Variants in TTLL2 observed in about 807,000 individuals in gnomAD.
TTLL2 encodes the protein probable tubulin polyglutamylase TTLL2.
TTLL2 carries 10 observed loss-of-function variants against 7.5 expected under a neutral mutation model. The ratio of observed to expected loss-of-function variants is 1.33; its 90% confidence interval spans 0.82 to 2.25. The LOEUF (loss-of-function observed/expected upper bound fraction) is 2.25. Among genes scored for constraint, TTLL2 ranks in the 30% most tolerant of loss-of-function variants. The pLI, the probability that TTLL2 is intolerant of heterozygous loss-of-function variation, is 0.00. For synonymous variants in TTLL2, 284 were observed against 280.3 expected (o/e 1.01, Z -0.13); for missense variants, 733 against 735.7 (o/e 1.00, Z 0.04).
rs567460246 is a variant in TTLL2 at position 167,339,392 on chromosome 6, C to T, written c.204+589C>T. On this transcript the variant is annotated intron_variant, in intron 2 of 2. Transcript: ENST00000239587. ...TAAGAATTATTCTGCTTTCCTTCTT[C>T]GAAGTTCAAAAGAATATTTCAAATC... 3.9e-5 allele frequency among the ~76,000 whole-genome samples: 6 copies of T among 152,294 alleles called. No individual in the cohort carries two copies. The East Asian group carries it at 1.2e-3, about 29-fold the overall frequency.
Position 167,340,632 on chromosome 6 carries a change from C to T in TTLL2, c.732C>T (p.Ser244=), listed in dbSNP as rs750894624. ...TGTACATAGTGCAGAAATATATCTC[C>T]AATCCTTTACTTATTGGCAGATATA... The part of the protein sequence containing the change: ...DDMYIVQKYI[S]NPLLIGRYKC... Residue 244 remains serine, a synonymous_variant, in exon 3 of 3, where the codon TCC becomes TCT. Transcript: ENST00000239587. 6.2e-7 allele frequency: 1 copy of T among 1,614,146 alleles called. No homozygotes were observed.
chr6:167,340,011 A>G, intron 2 of TTLL2, 94 bp from the exon 3 acceptor site: 1 of 1,407,788 alleles, frequency 7.1e-7, no homozygotes, highest in Non-Finnish European at 9.6e-7. Flanking sequence ...CACACAGGAC[A>G]GCTGGCAGCA....
intron 2 of TTLL2, among the ~76,000 whole-genome samples, chr6:167,339,060 C>A (rs1779034801): frequency 6.6e-6 from 1 of 151,462 alleles, no homozygotes; most frequent in East Asian, 1.9e-4. Context: ...TTCCTTCCCT[C>A]CCTCCCTCCT....
chr6:167,338,171 AC>A (rs1779015518), intron 1 of TTLL2, among the ~76,000 whole-genome samples: 1 of 151,882 alleles, frequency 6.6e-6, no homozygotes, highest in Non-Finnish European at 1.5e-5. Flanking sequence ...AACACACAGC[AC>A]ATACAACACA....
intron 1 of TTLL2, among the ~76,000 whole-genome samples, chr6:167,330,951 T>C (rs1431079698): frequency 2.6e-5 from 4 of 152,144 alleles, no homozygotes; most frequent in Admixed American, 2.6e-4. Flanking sequence ...TGGGCAAGCC[T>C]GCAGCTCAGC....
chr6:167,339,697 C>T (rs1779043651), intron 2 of TTLL2, among the ~76,000 whole-genome samples: 2 of 152,152 alleles, frequency 1.3e-5, no homozygotes, highest in Non-Finnish European at 2.9e-5. Context: ...TTGTAACATA[C>T]TTGAATTCAT....
chr6:167,338,799 A>G lies in TTLL2; in HGVS notation c.200A>G (p.Lys67Arg), dbSNP rs2115223493. 5 of 1,605,856 alleles carry G rather than the reference A, an allele frequency of 3.1e-6. No homozygotes were observed. Among genetic ancestry groups the G allele is most frequent in the Non-Finnish European group, 4.3e-6 (5 of 1,174,736 alleles). The change falls in exon 2 of 3, where the codon AAG becomes AGG. Residue 67 changes from lysine (K) to arginine (R), a missense_variant. Coordinates refer to ENST00000239587, the MANE Select transcript of TTLL2 (RefSeq NM_031949.5). ...GGCCGCCCAACACCAACACTGGAGA[A>G]GAAGGTGGGTGGGCAAGCCAGGTAG... The part of the protein sequence containing the change: ...RRGRPTPTLE[K>R]KKKPHLMAED...
chr6:167,339,973 C>T lies in TTLL2; in HGVS notation c.205-132C>T, dbSNP rs575759017. On this transcript the variant is annotated intron_variant, in intron 2 of 2. Coordinates refer to ENST00000239587, the MANE Select transcript of TTLL2 (RefSeq NM_031949.5). ...GCATTGGTGAAGAGACGTGGGTGTCCGGTGAGACTGCACAGTGGGAGGGTG... is the reference window on the plus strand; with the variant it reads ...GCATTGGTGAAGAGACGTGGGTGTCTGGTGAGACTGCACAGTGGGAGGGTG... The T allele has an allele frequency of 4.8e-4, 440 of 916,274 alleles. 2 individuals are homozygous for T. Among genetic ancestry groups the T allele is most frequent in the Admixed American group, 1.1e-3 (42 of 38,426 alleles). 56.8% of individuals were successfully genotyped at this position (916,274 alleles called of 1,614,324 possible).
chr6:167,339,320 C>T (rs530136955), intron 2 of TTLL2, among the ~76,000 whole-genome samples: 8 of 152,268 alleles, frequency 5.3e-5, no homozygotes, highest in South Asian at 2.1e-4. Context: ...TACCTTTTCT[C>T]TAGATCTTAA....
rs1779101779 is a variant in TTLL2, at chr6:167,341,790, T to C, written c.*111T>C. The C allele has an allele frequency of 6.7e-6, 8 of 1,193,766 alleles. No homozygotes were observed. Among genetic ancestry groups the C allele is most frequent in the Non-Finnish European group, 8.0e-6 (7 of 877,960 alleles). The allele number at this position is 1,193,766 out of a possible 1,614,324, so 73.9% of individuals were successfully genotyped here. On this transcript the variant is annotated 3_prime_UTR_variant, in exon 3 of 3. Transcript: ENST00000239587. ...CTACCTGTGCCACCAGCATGTTAAC[T>C]ATGACATTGGGACTGAAGATGTGGC...
At chr6:167,335,522 G>A (rs1311743740) in intron 1 of TTLL2, among the ~76,000 whole-genome samples, 6 of 144,014 alleles carry the variant, frequency 4.2e-5, no homozygotes, top group East Asian at 2.1e-4. Context: ...ACATGCACAC[G>A]TATGTTTATT....
At position 167,341,288 on chromosome 6, in the gene TTLL2, G is replaced by T. The variant is rs377077946; in HGVS notation, c.1388G>T (p.Arg463Ile). 4 of 1,613,584 alleles carry T rather than the reference G, an allele frequency of 2.5e-6. No individual in the cohort carries two copies. The highest frequency in any genetic ancestry group is 3.4e-6 in the Non-Finnish European group (4 of 1,179,990). Reference sequence around the variant, plus strand: ...TATGATTCTCTTTCGTTCACAAGCAGAATGTACAACGAGGATGACTCTGTG... The same window carrying T: ...TATGATTCTCTTTCGTTCACAAGCATAATGTACAACGAGGATGACTCTGTG... The part of the protein sequence containing the change: ...LPYDSLSFTS[R>I]MYNEDDSVVE... The change falls in exon 3 of 3, where the codon AGA (arginine) becomes ATA (isoleucine). Residue 463 changes from arginine to isoleucine, a missense_variant. Arg to Ile is a moderately conservative substitution (Grantham distance 97). Coordinates refer to ENST00000239587, the MANE Select transcript of TTLL2 (RefSeq NM_031949.5).
In TTLL2 at chr6:167,341,463, C is replaced by G. The variant is rs1484856779; in HGVS notation, c.1563C>G (p.Leu521=). Residue 521 remains leucine (L), a synonymous_variant, in exon 3 of 3, where the codon CTC becomes CTG. Coordinates refer to ENST00000239587, the MANE Select transcript of TTLL2 (RefSeq NM_031949.5). ...LRSRHTPHKT[L]MPYASLFQSH... ...GCAGGCACACGCCTCACAAGACACT[C>G]ATGCCCTACGCGTCCCTCTTCCAGT... 13 of 1,613,972 alleles carry G rather than the reference C, an allele frequency of 8.1e-6. No homozygotes were observed. Among genetic ancestry groups the G allele is most frequent in the Non-Finnish European group, 1.0e-5 (12 of 1,180,034 alleles).
In TTLL2 at chr6:167,341,478, C is replaced by T. The variant is rs140552119; in HGVS notation, c.1578C>T (p.Ser526=). 2 of 1,614,078 alleles carry T rather than the reference C, an allele frequency of 1.2e-6. No homozygotes were observed. The highest frequency in any genetic ancestry group is 1.3e-5 in the African/African-American group (1 of 75,004). The change falls in exon 3 of 3, where the codon TCC becomes TCT. Residue 526 remains serine (S), a synonymous_variant. Coordinates refer to ENST00000239587, the MANE Select transcript of TTLL2 (RefSeq NM_031949.5). ...ACAAGACACTCATGCCCTACGCGTCCCTCTTCCAGTCGCACTCCTGCAAGA... is the reference window on the plus strand; with the variant it reads ...ACAAGACACTCATGCCCTACGCGTCTCTCTTCCAGTCGCACTCCTGCAAGA... The part of the protein sequence containing the change: ...TPHKTLMPYA[S]LFQSHSCKTK...
At chr6:167,337,546 G>A (rs906628900) in intron 1 of TTLL2, among the ~76,000 whole-genome samples, 2 of 152,202 alleles carry the variant, frequency 1.3e-5, no homozygotes, top group African/African-American at 4.8e-5. Flanking sequence ...TCTCAAGGCT[G>A]GGAAAAGGTG....
intron 1 of TTLL2, among the ~76,000 whole-genome samples, chr6:167,332,374 C>T (rs926229238): frequency 1.3e-5 from 2 of 152,156 alleles, no homozygotes; most frequent in African/African-American, 4.8e-5. Flanking sequence ...GCTGACAGCT[C>T]ACTGTGTATG....
Position 167,340,480 on chromosome 6 carries a change from G to A in TTLL2, c.580G>A (p.Glu194Lys). Residue 194 changes from glutamate (E) to lysine (K), a missense_variant, in exon 3 of 3, where the codon GAA becomes AAA. Glu to Lys is a moderately conservative substitution (Grantham distance 56, BLOSUM62 1). Transcript: ENST00000239587. ...MPNDYTKFVA[E>K]YFQERQMLGT... is the part of the protein sequence containing the mutation. ...CAATGACTATACCAAGTTCGTGGCT[G>A]AATACTTTCAGGAGAGGCAGATGCT... is the stretch of plus-strand genomic sequence containing the variant. 2 of 1,614,124 alleles carry A rather than the reference G, an allele frequency of 1.2e-6. No homozygotes were observed. The highest frequency in any genetic ancestry group is 1.7e-6 in the Non-Finnish European group (2 of 1,180,036).
chr6:167,328,297 G>C (rs1778872826), intron 1 of TTLL2: 3 of 339,688 alleles, frequency 8.8e-6, no homozygotes, highest in Non-Finnish European at 1.7e-5. Context: ...CCCTCATCTA[G>C]AGATCGGGAT....
intron 1 of TTLL2, chr6:167,328,149 G>C (rs1778871239): frequency 2.2e-6 from 1 of 456,002 alleles, no homozygotes; most frequent in Non-Finnish European, 4.4e-6. Flanking sequence ...AAGACTCTTA[G>C]TTATTTTTGC....
Sources: allele counts gnomAD v4.1 joint callset (sites outside exome capture counted in the v4.1 genomes callset), GRCh38; gene constraint gnomAD v4.1.1; transcripts MANE v1.5; gene names NCBI Gene and HGNC (gene_info 2026-07-23, HGNC 2026-07-21).